The following CDH6 variants were observed in gnomAD, a reference collection of about 807,000 sequenced individuals.
CDH6 encodes the protein cadherin 6.
In CDH6, 31 loss-of-function variants were observed where a neutral mutation model predicts 78.0. The observed-to-expected ratio is 0.40, with a 90% CI of 0.30 to 0.54. The LOEUF (loss-of-function observed/expected upper bound fraction) is 0.54, where lower values mean the gene tolerates loss of function less well. CDH6 is among the 20% of genes least tolerant of loss of function. CDH6 has a pLI of 0.56. For missense variants in CDH6, 724 were observed against 975.9 expected, an observed-to-expected ratio of 0.74 and a Z score of 3.44; for synonymous variants, 376 against 368.8, an observed-to-expected ratio of 1.02 and a Z score of -0.23.
At chr5:31,243,882 C>T (rs72749665) in intron 1 of CDH6, among the ~76,000 whole-genome samples, 9,577 of 152,242 alleles carry the variant, frequency 0.063, 489 homozygotes, top group South Asian at 0.24. Context: ...TCCAATCTCA[C>T]GTATAGGTTG....
rs1460113692 is a variant in CDH6 at position 31,327,531 on chromosome 5, G to T, written c.*4223G>T. On this transcript the variant is annotated 3_prime_UTR_variant, in exon 12 of 12. Coordinates refer to ENST00000265071, the MANE Select transcript of CDH6 (RefSeq NM_004932.4). ...AAAAGGGGACTCAAAAATCCAAGCA[G>T]TCTACTGTGTTTAAATTAACACCAC... The T allele has an allele frequency of 5.2e-6, 1 of 192,816 alleles. No homozygotes were observed. The highest frequency in any genetic ancestry group is 1.1e-5 in the Non-Finnish European group (1 of 92,246). 11.9% of individuals were successfully genotyped at this position (192,816 alleles called of 1,614,324 possible).
chr5:31,193,716 G>A lies in CDH6; in HGVS notation c.-299G>A, dbSNP rs1054312119. 1.3e-5 allele frequency: 2 copies of A among 152,272 alleles called. No individual in the cohort carries two copies. The highest frequency in any genetic ancestry group is 2.4e-5 in the African/African-American group (1 of 41,364). 9.4% of individuals were successfully genotyped at this position (152,272 alleles called of 1,614,324 possible). On this transcript the variant is annotated 5_prime_UTR_variant, in exon 1 of 12. Transcript: ENST00000265071. ...TTCATTCACTTGCAAATCAGTGTGT[G>A]CCCACAAGAGCCAGCTCTCCCGAGC... is the stretch of plus-strand genomic sequence containing the variant.
In CDH6 at chr5:31,323,040, G is replaced by T. The variant is rs1738514358; in HGVS notation, c.2105G>T (p.Arg702Leu). 4 of 1,614,056 alleles carry T rather than the reference G, an allele frequency of 2.5e-6. No homozygotes were observed. The East Asian group carries it at 8.9e-5, about 36-fold the overall frequency. The change falls in exon 12 of 12, where the codon CGG (arginine) becomes CTG (leucine). Residue 702 changes from arginine (R) to leucine (L), a missense_variant. Physicochemically the swap from Arg to Leu is moderately radical, Grantham distance 102. Around this residue, in one of 3 missense-constraint regions of CDH6, gnomAD observed 220 missense variants for 240.6 expected, o/e 0.91. Coordinates refer to ENST00000265071, the MANE Select transcript of CDH6 (RefSeq NM_004932.4). ...CCCGAAGCCCTTTTCCTACCCCGAC[G>T]GACTCCAACAGCTCGCGACAACACC... Reference protein sequence around the residue: ...IVPEALFLPRRTPTARDNTDV... With the variant: ...IVPEALFLPRLTPTARDNTDV...
intron 1 of CDH6, among the ~76,000 whole-genome samples, chr5:31,208,385 C>T (rs1740598656): frequency 1.3e-5 from 2 of 152,198 alleles, no homozygotes; most frequent in African/African-American, 4.8e-5. Flanking sequence ...GGACCCCGGA[C>T]ATCCTCCAAG....
chr5:31,274,990 G>A (rs1442326996), intron 2 of CDH6, among the ~76,000 whole-genome samples: 4 of 152,194 alleles, frequency 2.6e-5, no homozygotes, highest in African/African-American at 9.6e-5. Flanking sequence ...ACAGCCCTTT[G>A]AGTCTATTCT....
In CDH6 at chr5:31,302,223, A is replaced by G. The variant is rs144168619; in HGVS notation, c.924A>G (p.Thr308=). 1 of 1,614,110 alleles carries G rather than the reference A, an allele frequency of 6.2e-7. No homozygotes were observed. The highest frequency in any genetic ancestry group is 8.5e-7 in the Non-Finnish European group (1 of 1,179,956). The change falls in exon 6 of 12, where the codon ACA becomes ACG. Residue 308 remains threonine (T), a synonymous_variant. Transcript: ENST00000265071. The part of the protein sequence containing the change: ...GENAEIEYSI[T]DGEGLDMFDV... ...ATGCTGAAATTGAGTACAGCATCACAGACGGTGAGGGGCTGGATATGTTTG... is the reference window on the plus strand; with the variant it reads ...ATGCTGAAATTGAGTACAGCATCACGGACGGTGAGGGGCTGGATATGTTTG...
Position 31,199,693 on chromosome 5 carries a change from ATATATATATATATATATATATATC to A in CDH6, c.-129+5809_-129+5832del, listed in dbSNP as rs1427817203. Among the ~76,000 whole-genome samples the A allele has an allele frequency of 4.0e-5, 5 of 125,328 alleles. No homozygotes were observed. The East Asian group carries it at 1.2e-3, about 31-fold the overall frequency. 82.2% of individuals were successfully genotyped at this position (125,328 alleles called of 152,430 possible). The stretch of plus-strand genomic sequence containing the variant: ...TATGTGTGTGTGTGTGTGTATATAT[ATATATATATATATATATATATATC>A]TCAAAGATAAAAAGCACTCACCAGT... On this transcript the variant is annotated intron_variant, in intron 1 of 11. Transcript: ENST00000265071.
Position 31,302,156 on chromosome 5 carries a change from C to T in CDH6, c.857C>T (p.Pro286Leu). The T allele has an allele frequency of 6.2e-7, 1 of 1,613,810 alleles. No individual in the cohort carries two copies. Among genetic ancestry groups the T allele is most frequent in the Non-Finnish European group, 8.5e-7 (1 of 1,179,826 alleles). ...KTPESSPPGT[P>L]IGRIKASDAD... ...CCTGAATCTTCTCCACCGGGGACAC[C>T]AATTGGCAGAATCAAAGCCAGCGAC... The change falls in exon 6 of 12, where the codon CCA (proline) becomes CTA (leucine). Residue 286 changes from proline (P) to leucine (L), a missense_variant. Pro to Leu is a moderately conservative substitution (Grantham distance 98). Coordinates refer to ENST00000265071, the MANE Select transcript of CDH6 (RefSeq NM_004932.4).
At chr5:31,310,393 G>C (rs139064126) in intron 7 of CDH6, among the ~76,000 whole-genome samples, 16 of 152,326 alleles carry the variant, frequency 1.1e-4, no homozygotes, top group African/African-American at 3.6e-4. Context: ...AGCCCCCGAG[G>C]CTGCTTTCAT....
At chr5:31,213,853 C>G (rs1223778233) in intron 1 of CDH6, among the ~76,000 whole-genome samples, 9 of 25,162 alleles carry the variant, frequency 3.6e-4, no homozygotes, top group Non-Finnish European at 1.1e-3. Flanking sequence ...GCTGACATAA[C>G]ATCCCCCCTC....
intron 1 of CDH6, among the ~76,000 whole-genome samples, chr5:31,241,409 T>C (rs930861078): frequency 5.9e-5 from 9 of 152,366 alleles, no homozygotes; most frequent in Admixed American, 1.3e-4. Context: ...GGATGGAATA[T>C]AGGAATCAAG....
intron 4 of CDH6, 132 bp from the exon 5 acceptor site, chr5:31,299,332 T>G: frequency 1.5e-6 from 1 of 657,452 alleles, no homozygotes; most frequent in Non-Finnish European, 2.6e-6. Context: ...ATATAATTAT[T>G]TTTATGTCAC....
In CDH6 at chr5:31,294,328, G is replaced by A. The variant is rs760192012; in HGVS notation, c.523+72G>A. ...ATCCACTGAGTAAGGAATCCCACGA[G>A]CTCAAAGTACTGAACTGCATGAATT... On this transcript the variant is annotated intron_variant, in intron 3 of 11. Transcript: ENST00000265071. This position sits in a 1 kb window ranked among gnomAD's most constrained non-coding sequence, Gnocchi z 4.1. 2.9e-5 allele frequency: 36 copies of A among 1,256,198 alleles called. No homozygotes were observed. The highest frequency in any genetic ancestry group is 4.0e-5 in the Non-Finnish European group (35 of 882,466). The allele number at this position is 1,256,198 out of a possible 1,614,324, so 77.8% of individuals were successfully genotyped here.
chr5:31,213,264 A>G (rs1740768011), intron 1 of CDH6, among the ~76,000 whole-genome samples: 1 of 152,138 alleles, frequency 6.6e-6, no homozygotes, highest in African/African-American at 2.4e-5. Flanking sequence ...CCATCAGAAA[A>G]TCTCCCAAGC....
chr5:31,255,004 G>A (rs1334759512), intron 1 of CDH6, among the ~76,000 whole-genome samples: 2 of 152,098 alleles, frequency 1.3e-5, no homozygotes, highest in African/African-American at 4.8e-5. Context: ...CTACACAAAT[G>A]CTCTTTCTAT....
At chr5:31,320,997 C>T (rs1354480464) in intron 11 of CDH6, among the ~76,000 whole-genome samples, 5 of 144,206 alleles carry the variant, frequency 3.5e-5, no homozygotes, top group Non-Finnish European at 6.1e-5. Flanking sequence ...AAAAAAAAAA[C>T]TGTGCTGTAT....
At chr5:31,278,173 T>G (rs1458891443) in intron 2 of CDH6, among the ~76,000 whole-genome samples, 1 of 152,204 alleles carries the variant, frequency 6.6e-6, no homozygotes, top group African/African-American at 2.4e-5. Context: ...TTTTGCAGCA[T>G]TAGCTTAACA....
chr5:31,269,198 C>T (rs1165265602), intron 2 of CDH6, among the ~76,000 whole-genome samples: 1 of 151,700 alleles, frequency 6.6e-6, no homozygotes, highest in South Asian at 2.1e-4. Context: ...TGATGTTTCC[C>T]CTTTTTCCTT....
chr5:31,328,620 A>G lies in CDH6; in HGVS notation c.*5312A>G, dbSNP rs1308867576. 2 of 205,856 alleles carry G rather than the reference A, an allele frequency of 9.7e-6. No homozygotes were observed. Among genetic ancestry groups the G allele is most frequent in the Non-Finnish European group, 2.0e-5 (2 of 100,762 alleles). 12.8% of individuals were successfully genotyped at this position (205,856 alleles called of 1,614,324 possible). A position where few individuals can be genotyped will look rare whatever the true frequency, so the allele number is the denominator to read the frequency against. ...TAGTTCCAAGCTAAAGCAATTTGGCATTCTCCCACTGTGATTTGTGACTTT... is the reference window on the plus strand; with the variant it reads ...TAGTTCCAAGCTAAAGCAATTTGGCGTTCTCCCACTGTGATTTGTGACTTT... On this transcript the variant is annotated 3_prime_UTR_variant, in exon 12 of 12. Coordinates refer to ENST00000265071, the MANE Select transcript of CDH6 (RefSeq NM_004932.4).
Sources: gnomAD v4.1 joint callset for allele counts (sites outside exome capture counted in the v4.1 genomes callset) on GRCh38, gnomAD v4.1.1 for gene constraint, gnomAD v4.1.1 regional missense constraint, Gnocchi (gnomAD v3.1) non-coding constraint, MANE v1.5 for transcripts, NCBI Gene and HGNC (gene_info 2026-07-23, HGNC 2026-07-21) for gene names.